Variants in RARB observed in about 807,000 individuals in gnomAD.
RARB encodes retinoic acid receptor beta.
RARB carries 17 observed loss-of-function variants against 51.9 expected under a neutral mutation model. The observed-to-expected ratio is 0.33, with a 90% CI of 0.22 to 0.49. The LOEUF (loss-of-function observed/expected upper bound fraction) is 0.49, where lower values mean the gene tolerates loss of function less well. Among genes scored for constraint, RARB ranks in the 20% least tolerant of loss-of-function variants. The pLI, the probability that RARB is intolerant of heterozygous loss-of-function variation, is 0.99. For synonymous variants in RARB, 215 were observed against 195.4 expected, an observed-to-expected ratio of 1.10 and a Z score of -0.84; for missense variants, 369 against 550.8, an observed-to-expected ratio of 0.67 and a Z score of 3.30.
At chr3:25,044,256 A>G (rs1309393792) in intron 2 of RARB, among the ~76,000 whole-genome samples, 1 of 152,136 alleles carries the variant, frequency 6.6e-6, no homozygotes, top group Non-Finnish European at 1.5e-5. Flanking sequence ...TGTATGTGTG[A>G]TTCTGACATT....
chr3:24,857,675 G>A (rs1702659516), intron 1 of RARB, among the ~76,000 whole-genome samples: 1 of 152,140 alleles, frequency 6.6e-6, no homozygotes, highest in African/African-American at 2.4e-5. Context: ...CACCACTTTG[G>A]GAGACCAAGG....
chr3:25,292,860 T>C (rs1221816645), intron 5 of RARB, among the ~76,000 whole-genome samples: 1 of 152,148 alleles, frequency 6.6e-6, no homozygotes, highest in Non-Finnish European at 1.5e-5. Context: ...GCTGGTCACT[T>C]AGAAATAGCT....
intron 2 of RARB, among the ~76,000 whole-genome samples, chr3:24,902,548 G>A (rs1703630492): frequency 6.6e-6 from 1 of 152,122 alleles, no homozygotes; most frequent in Non-Finnish European, 1.5e-5. Context: ...AATTTGGTCT[G>A]GGTTGGGAAT....
At chr3:25,565,294 T>C (rs137910801) in intron 3 of RARB, among the ~76,000 whole-genome samples, 2,258 of 152,314 alleles carry the variant, frequency 0.015, 34 homozygotes, top group Middle Eastern at 0.024. Context: ...AATAGTGATA[T>C]CTACTCTATT....
chr3:25,185,917 C>A (rs1575204249), intron 5 of RARB, among the ~76,000 whole-genome samples: 1 of 152,106 alleles, frequency 6.6e-6, no homozygotes, highest in South Asian at 2.1e-4. Flanking sequence ...AGGCTAACAT[C>A]ATCTTTAGTA....
rs1160686335 is a variant in RARB, at chr3:25,019,556, T to A, written c.-379-40569T>A. Reference sequence around the variant, plus strand: ...AGCTCAAGGTTCAGAAAGCTTAATTTGCATTAATACATGATGTGCTGTGAA... The same window carrying A: ...AGCTCAAGGTTCAGAAAGCTTAATTAGCATTAATACATGATGTGCTGTGAA... On this transcript the variant is annotated intron_variant, in intron 2 of 11. Coordinates refer to the RARB transcript ENST00000383772. Among the ~76,000 whole-genome samples, 6 of 152,176 alleles carry A rather than the reference T, an allele frequency of 3.9e-5. 1 individual carries two copies. The highest frequency in any genetic ancestry group is 3.9e-4 in the Admixed American group (6 of 15,266).
At chr3:24,956,994 G>A (rs1696030948) in intron 2 of RARB, among the ~76,000 whole-genome samples, 1 of 152,174 alleles carries the variant, frequency 6.6e-6, no homozygotes, top group South Asian at 2.1e-4. Flanking sequence ...GTTCAGAATT[G>A]AGGCAAAGGG....
At chr3:24,966,955 G>A (rs1350661720) in intron 2 of RARB, among the ~76,000 whole-genome samples, 2 of 152,044 alleles carry the variant, frequency 1.3e-5, no homozygotes, top group African/African-American at 4.8e-5. Context: ...GGCTCGTCCT[G>A]GAAAGCTTTC....
In RARB at chr3:25,182,168, G is replaced by C. The variant is rs148947450; in HGVS notation, c.178+7593G>C. Among the ~76,000 whole-genome samples the C allele has an allele frequency of 2.1e-3, 319 of 152,210 alleles. 2 individuals carry two copies. Among genetic ancestry groups the C allele is most frequent in the East Asian group, 0.02 (105 of 5,166 alleles). On this transcript the variant is annotated intron_variant, in intron 5 of 11. Coordinates refer to the RARB transcript ENST00000383772. ...GCTAAAAGAAGCATTGGTTCCAAAG[G>C]GTTGAGAATCTTTGGAATGAATGAG...
chr3:24,893,786 A>C (rs1241741229), intron 2 of RARB, among the ~76,000 whole-genome samples: 6 of 152,074 alleles, frequency 3.9e-5, no homozygotes, highest in African/African-American at 1.4e-4. Context: ...TAGTCTCCCA[A>C]AGTACTGGGA....
At chr3:25,204,988 G>A (rs1701499759) in intron 5 of RARB, among the ~76,000 whole-genome samples, 2 of 152,152 alleles carry the variant, frequency 1.3e-5, no homozygotes, top group Admixed American at 1.3e-4. Context: ...AGAGGTTTCT[G>A]CTGCCTTTTG....
intron 3 of RARB, among the ~76,000 whole-genome samples, chr3:25,501,815 T>G (rs1260499872): frequency 6.6e-6 from 1 of 152,188 alleles, no homozygotes; most frequent in East Asian, 1.9e-4. Context: ...AAACTTGATT[T>G]CGTTTTTCTT....
At chr3:24,850,144 C>T (rs1702538554) in intron 1 of RARB, among the ~76,000 whole-genome samples, 1 of 152,210 alleles carries the variant, frequency 6.6e-6, no homozygotes, top group Non-Finnish European at 1.5e-5. Flanking sequence ...AGCATTAATC[C>T]ATTCATGTGG....
chr3:25,556,329 A>G (rs1700056847), intron 3 of RARB, among the ~76,000 whole-genome samples: 1 of 152,142 alleles, frequency 6.6e-6, no homozygotes, highest in Non-Finnish European at 1.5e-5. Flanking sequence ...AACACTTCAT[A>G]TGCTGAGACT....
At position 24,921,222 on chromosome 3, in the gene RARB, A is replaced by G. The variant is rs145083407; in HGVS notation, c.-380+62470A>G. Among the ~76,000 whole-genome samples, 4 of 151,926 alleles carry G rather than the reference A, an allele frequency of 2.6e-5. 1 individual carries two copies. In the South Asian group the frequency reaches 8.3e-4, roughly 32 times the overall value. On this transcript the variant is annotated intron_variant, in intron 2 of 11. Transcript: ENST00000383772. ...CTTCTTTAAATTCATTCATTATTGC[A>G]CTCCAGATGTACACATTGAGATCCT...
At chr3:25,085,494 C>T (rs1352506299) in intron 3 of RARB, among the ~76,000 whole-genome samples, 3 of 151,750 alleles carry the variant, frequency 2.0e-5, no homozygotes, top group Non-Finnish European at 4.4e-5. Flanking sequence ...TTTCTACCTA[C>T]CCTCCTTTCT....
chr3:25,004,140 T>C (rs750450851), intron 2 of RARB, among the ~76,000 whole-genome samples: 7 of 152,032 alleles, frequency 4.6e-5, no homozygotes, highest in Non-Finnish European at 8.8e-5. Context: ...AGCATGAAGG[T>C]TTTGTAGGAT....
At chr3:25,558,433 T>C (rs1222665876) in intron 3 of RARB, among the ~76,000 whole-genome samples, 1 of 152,174 alleles carries the variant, frequency 6.6e-6, no homozygotes, top group Non-Finnish European at 1.5e-5. Context: ...TGCGGTTTTT[T>C]ATTCCAATTT....
Position 25,259,675 on chromosome 3 carries a change from C to T in RARB, c.178+85100C>T, listed in dbSNP as rs554133190. 4.6e-5 allele frequency among the ~76,000 whole-genome samples: 7 copies of T among 152,254 alleles called. No homozygotes were observed. In the South Asian group the frequency reaches 1.4e-3, roughly 32 times the overall value. On this transcript the variant is annotated intron_variant, in intron 5 of 11. Coordinates refer to the RARB transcript ENST00000383772. The stretch of plus-strand genomic sequence containing the variant: ...GTTACAGCAGCTAGTATGAGTATAA[C>T]TAATTCATACATTTTTAAATAAATG...
Sources: gnomAD v4.1 joint callset for allele counts (sites outside exome capture counted in the v4.1 genomes callset) on GRCh38, gnomAD v4.1.1 for gene constraint, MANE v1.5 for transcripts, NCBI Gene and HGNC (gene_info 2026-07-23, HGNC 2026-07-21) for gene names.